Variants in MRAS observed in about 807,000 individuals in gnomAD.
The protein encoded by MRAS is muscle RAS oncogene homolog.
In MRAS, 4 loss-of-function variants were observed where a neutral mutation model predicts 20.9. That is an observed-to-expected ratio of 0.19 (90% CI 0.09 to 0.44). The LOEUF (loss-of-function observed/expected upper bound fraction) is 0.44, where lower values mean the gene tolerates loss of function less well. Ranked by LOEUF, MRAS falls within the 20% of genes least tolerant of loss-of-function variation. The pLI, the probability that MRAS is intolerant of heterozygous loss-of-function variation, is 0.99. For synonymous variants in MRAS, 98 were observed against 102.9 expected (o/e 0.95, Z 0.29); for missense variants, 154 against 277.5 (o/e 0.56, Z 3.16).
chr3:138,400,041 G>C (rs964562129), intron 4 of MRAS, among the ~76,000 whole-genome samples: 1 of 152,204 alleles, frequency 6.6e-6, no homozygotes, highest in African/African-American at 2.4e-5. Flanking sequence ...AACAAGAGCT[G>C]GGATGAGGTG....
At chr3:138,374,396 A>G (rs1200348584) in intron 2 of MRAS, among the ~76,000 whole-genome samples, 1 of 152,202 alleles carries the variant, frequency 6.6e-6, no homozygotes, top group Non-Finnish European at 1.5e-5. Flanking sequence ...TTGCTAGTAT[A>G]TATAAAAACA....
chr3:138,395,156 T>G (rs922116968), intron 2 of MRAS, among the ~76,000 whole-genome samples: 5 of 152,152 alleles, frequency 3.3e-5, no homozygotes. Context: ...TTCTCCTGCC[T>G]CAGCCTCATG....
At chr3:138,351,411 C>T (rs999594828) in intron 1 of MRAS, among the ~76,000 whole-genome samples, 1 of 152,150 alleles carries the variant, frequency 6.6e-6, no homozygotes, top group Admixed American at 6.5e-5. Context: ...GTACAGTCAC[C>T]TTTATCTGGA....
chr3:138,356,592 T>C (rs1347839903), intron 1 of MRAS, among the ~76,000 whole-genome samples: 1 of 152,184 alleles, frequency 6.6e-6, no homozygotes, highest in Non-Finnish European at 1.5e-5. Context: ...CACCAGTCTA[T>C]CATGGTCTTC....
chr3:138,376,844 C>G (rs563227142), intron 2 of MRAS, among the ~76,000 whole-genome samples: 2 of 152,130 alleles, frequency 1.3e-5, no homozygotes, highest in African/African-American at 4.8e-5. Flanking sequence ...ATTTTTTGCA[C>G]GTGATTCTGA....
At position 138,400,608 on chromosome 3, in the gene MRAS, A is replaced by C; in HGVS notation, c.522A>C (p.Val174=). The part of the protein sequence containing the change: ...VDKAFHDLVR[V]IRQQIPEKSQ... ...AAGCCTTCCATGACCTCGTTAGAGT[A>C]ATTAGGTGAGCACTGCCCTCTCCCT... is the stretch of plus-strand genomic sequence containing the variant. Residue 174 remains valine, a synonymous_variant, in exon 5 of 6, where the codon GTA becomes GTC. Coordinates refer to ENST00000423968, the MANE Select transcript of MRAS (RefSeq NM_001085049.3). 1 of 1,610,542 alleles carries C rather than the reference A, an allele frequency of 6.2e-7. No individual in the cohort carries two copies. The highest frequency in any genetic ancestry group is 8.5e-7 in the Non-Finnish European group (1 of 1,176,716).
In MRAS at chr3:138,392,505, C is replaced by CT. The variant is rs560954074; in HGVS notation, c.194-4811dup. 6.6e-5 allele frequency among the ~76,000 whole-genome samples: 10 copies of CT among 152,086 alleles called. 1 individual carries two copies. In the South Asian group the frequency reaches 1.2e-3, roughly 19 times the overall value. The stretch of plus-strand genomic sequence containing the variant: ...TCAATTCCTGTTGTTTTTAAAAATC[C>CT]TTTTTTTTGTCCACATACGTGTTTA... On this transcript the variant is annotated intron_variant, in intron 2 of 5. Transcript: ENST00000423968.
At chr3:138,356,073 G>A (rs921460180) in intron 1 of MRAS, among the ~76,000 whole-genome samples, 20 of 152,232 alleles carry the variant, frequency 1.3e-4, no homozygotes, top group Non-Finnish European at 2.9e-4. Flanking sequence ...AGCCGTACCA[G>A]TGAAGGCAGT....
At chr3:138,379,676 G>A (rs2054859908) in intron 2 of MRAS, among the ~76,000 whole-genome samples, 1 of 152,138 alleles carries the variant, frequency 6.6e-6, no homozygotes, top group East Asian at 1.9e-4. Flanking sequence ...TGTTATGGAT[G>A]AATAATATTC....
At chr3:138,364,963 C>T (rs2054530384) in intron 1 of MRAS, among the ~76,000 whole-genome samples, 2 of 152,340 alleles carry the variant, frequency 1.3e-5, no homozygotes, top group Middle Eastern at 3.4e-3. Context: ...CTGCCTCTGC[C>T]CTGGCCTGAC....
At chr3:138,358,380 A>G (rs1325705489) in intron 1 of MRAS, among the ~76,000 whole-genome samples, 2 of 152,116 alleles carry the variant, frequency 1.3e-5, no homozygotes, top group East Asian at 3.9e-4. Flanking sequence ...TAACTCATCT[A>G]AAAAAGAATT....
intron 1 of MRAS, among the ~76,000 whole-genome samples, chr3:138,363,280 C>G (rs532429927): frequency 1.3e-5 from 2 of 152,200 alleles, no homozygotes; most frequent in Admixed American, 6.5e-5. Flanking sequence ...CCAGGCTGGT[C>G]TCGAACACCT....
intron 2 of MRAS, among the ~76,000 whole-genome samples, chr3:138,392,332 C>T (rs1323584843): frequency 6.6e-6 from 1 of 152,096 alleles, no homozygotes; most frequent in Non-Finnish European, 1.5e-5. Context: ...TTTATCCTCC[C>T]AAAGTACTGG....
intron 2 of MRAS, among the ~76,000 whole-genome samples, chr3:138,390,801 G>C (rs2055117488): frequency 6.6e-6 from 1 of 152,236 alleles, no homozygotes; most frequent in African/African-American, 2.4e-5. Flanking sequence ...TCCTGGGGTA[G>C]ATTTTGTCCC....
chr3:138,367,106 G>C (rs1247737411), intron 1 of MRAS, among the ~76,000 whole-genome samples: 2 of 152,200 alleles, frequency 1.3e-5, no homozygotes, highest in Non-Finnish European at 2.9e-5. Flanking sequence ...GCCTGCTGCT[G>C]TCCTATGCAG....
intron 1 of MRAS, among the ~76,000 whole-genome samples, chr3:138,367,676 G>A (rs2054589052): frequency 6.6e-6 from 1 of 152,234 alleles, no homozygotes; most frequent in Non-Finnish European, 1.5e-5. Context: ...GACGAGGGCA[G>A]TGTGAGTAGA....
intron 2 of MRAS, among the ~76,000 whole-genome samples, chr3:138,378,047 C>G (rs541784319): frequency 4.1e-4 from 62 of 152,328 alleles, no homozygotes; most frequent in African/African-American, 1.4e-3. Context: ...AAATCCTCCC[C>G]CACAGCACAG....
chr3:138,367,315 A>G (rs988384481), intron 1 of MRAS, among the ~76,000 whole-genome samples: 3 of 152,118 alleles, frequency 2.0e-5, no homozygotes, highest in Non-Finnish European at 2.9e-5. Flanking sequence ...AGATGGGGAA[A>G]CTGGGCACCA....
chr3:138,373,973 G>T (rs956733618), intron 2 of MRAS, among the ~76,000 whole-genome samples: 2 of 150,862 alleles, frequency 1.3e-5, no homozygotes, highest in Non-Finnish European at 3.0e-5. Flanking sequence ...TTTGTTTTTG[G>T]GGGGACGGAG....
Sources: gnomAD v4.1 joint callset for allele counts (sites outside exome capture counted in the v4.1 genomes callset) on GRCh38, gnomAD v4.1.1 for gene constraint, MANE v1.5 for transcripts, NCBI Gene and HGNC (gene_info 2026-07-23, HGNC 2026-07-21) for gene names.